NCKAP5: variants seen among roughly 807,000 people sequenced by gnomAD.
NCKAP5 encodes the protein NCK associated protein 5, also known as nck-associated protein 5.
In NCKAP5, 92 loss-of-function variants were observed where a neutral mutation model predicts 167.0. The observed-to-expected ratio is 0.55, with a 90% CI of 0.47 to 0.66. NCKAP5 has a LOEUF of 0.66. Among genes scored for constraint, NCKAP5 ranks in the 30% least tolerant of loss-of-function variants. The pLI, the probability that NCKAP5 is intolerant of heterozygous loss-of-function variation, is 0.00. For synonymous variants in NCKAP5, 891 were observed against 877.4 expected, an observed-to-expected ratio of 1.02 and a Z score of -0.27; for missense variants, 2,378 against 2,315.0, an observed-to-expected ratio of 1.03 and a Z score of -0.56.
At chr2:133,346,752 T>C (rs888729264) in intron 3 of NCKAP5, among the ~76,000 whole-genome samples, 2 of 152,208 alleles carry the variant, frequency 1.3e-5, no homozygotes, top group Admixed American at 6.5e-5. Context: ...GCTTCATCCA[T>C]GGATGGCGAT....
At chr2:132,822,504 A>G (rs1686823601) in intron 11 of NCKAP5, among the ~76,000 whole-genome samples, 1 of 152,218 alleles carries the variant, frequency 6.6e-6, no homozygotes, top group Admixed American at 6.5e-5. Context: ...CCCAGGGGTA[A>G]GGGGAGAGCA....
chr2:132,720,676 C>G (rs922540904), intron 19 of NCKAP5, among the ~76,000 whole-genome samples: 1 of 152,102 alleles, frequency 6.6e-6, no homozygotes, highest in Non-Finnish European at 1.5e-5. Flanking sequence ...TATGGAGGAC[C>G]GACTGCCACT....
chr2:133,085,962 C>G (rs1190165995), intron 6 of NCKAP5, among the ~76,000 whole-genome samples: 1 of 152,112 alleles, frequency 6.6e-6, no homozygotes, highest in Non-Finnish European at 1.5e-5. Context: ...AAGAACCAAC[C>G]AGGAAGTGCA....
At chr2:133,625,506 A>T in the NCKAP5 span, among the ~76,000 whole-genome samples, 1 of 152,188 alleles carries the variant, frequency 6.6e-6, no homozygotes, top group Admixed American at 6.5e-5. Context: ...TCATACAGAA[A>T]GCAAGGAAGC....
At chr2:132,791,517 T>C (rs978390471) in intron 12 of NCKAP5, among the ~76,000 whole-genome samples, 1 of 152,210 alleles carries the variant, frequency 6.6e-6, no homozygotes, top group African/African-American at 2.4e-5. Flanking sequence ...CAGGCTAAAT[T>C]AATTTACATC....
intron 16 of NCKAP5, among the ~76,000 whole-genome samples, chr2:132,737,070 T>C (rs1691595599): frequency 6.6e-6 from 1 of 152,304 alleles, no homozygotes; most frequent in East Asian, 1.9e-4. Flanking sequence ...AGGCACCTCA[T>C]GGGATGACTT....
chr2:133,601,768 T>A, the NCKAP5 span, among the ~76,000 whole-genome samples: 1 of 152,032 alleles, frequency 6.6e-6, no homozygotes, highest in African/African-American at 2.4e-5. Flanking sequence ...AACTCTACCT[T>A]GAAGAACTTT....
intron 8 of NCKAP5, among the ~76,000 whole-genome samples, chr2:132,885,270 C>T (rs1692126792): frequency 6.6e-6 from 1 of 151,634 alleles, no homozygotes; most frequent in Non-Finnish European, 1.5e-5. Context: ...ATTTATATAG[C>T]AGGAATGGGA....
chr2:132,966,319 C>T (rs930760407), intron 7 of NCKAP5, among the ~76,000 whole-genome samples: 8 of 152,236 alleles, frequency 5.3e-5, no homozygotes, highest in African/African-American at 1.7e-4. Context: ...AGGCTGGTCT[C>T]GAACTCCTGA....
chr2:133,206,612 G>C (rs1173700797), intron 5 of NCKAP5, among the ~76,000 whole-genome samples: 3 of 152,146 alleles, frequency 2.0e-5, no homozygotes, highest in Non-Finnish European at 4.4e-5. Context: ...AAATCTGATT[G>C]TAAAATATGT....
At chr2:133,604,691 C>CAGTTT in the NCKAP5 span, among the ~76,000 whole-genome samples, 1 of 152,068 alleles carries the variant, frequency 6.6e-6, no homozygotes, top group Non-Finnish European at 1.5e-5. Context: ...CTCTGTGCCT[C>CAGTTT]AGTTTTCTCT....
intron 3 of NCKAP5, among the ~76,000 whole-genome samples, chr2:133,376,473 C>T (rs546807835): frequency 2.0e-5 from 3 of 152,106 alleles, no homozygotes; most frequent in African/African-American, 7.2e-5. Flanking sequence ...TGAAATATTG[C>T]CCCTTGTTTC....
Position 132,929,322 on chromosome 2 carries a change from G to T in NCKAP5, c.579+34398C>A, listed in dbSNP as rs189430759. Among the ~76,000 whole-genome samples the T allele has an allele frequency of 5.3e-5, 8 of 151,986 alleles. No homozygotes were observed. The East Asian group carries it at 1.4e-3, about 26-fold the overall frequency. ...AAAAATCACACAAAACACTTTTCTT[G>T]CTCTAACACTATGACTGTTTGATGC... is the stretch of plus-strand genomic sequence containing the variant. On this transcript the variant is annotated intron_variant, in intron 8 of 19. Coordinates refer to ENST00000409261, the MANE Select transcript of NCKAP5 (RefSeq NM_207363.3).
At chr2:133,338,442 C>A (rs1476605763) in intron 3 of NCKAP5, among the ~76,000 whole-genome samples, 1 of 152,206 alleles carries the variant, frequency 6.6e-6, no homozygotes, top group African/African-American at 2.4e-5. Context: ...CATGCACCCC[C>A]ATCTTATAGT....
At chr2:133,326,147 A>T (rs1438665486) in intron 3 of NCKAP5, among the ~76,000 whole-genome samples, 1 of 152,134 alleles carries the variant, frequency 6.6e-6, no homozygotes, top group Non-Finnish European at 1.5e-5. Context: ...GCAACCCCTT[A>T]GGATATCCTT....
At chr2:133,097,554 G>A (rs768339174) in intron 6 of NCKAP5, among the ~76,000 whole-genome samples, 15 of 152,096 alleles carry the variant, frequency 9.9e-5, no homozygotes, top group Admixed American at 2.6e-4. Context: ...TTTCTTGATC[G>A]TCAGAACCTT....
At chr2:133,230,940 C>G (rs994155531) in intron 4 of NCKAP5, among the ~76,000 whole-genome samples, 22 of 152,146 alleles carry the variant, frequency 1.4e-4, no homozygotes, top group African/African-American at 5.3e-4. Context: ...AAGCATCTTA[C>G]CAATTAATGT....
At chr2:132,841,573 G>A (rs1688299706) in intron 11 of NCKAP5, among the ~76,000 whole-genome samples, 1 of 151,848 alleles carries the variant, frequency 6.6e-6, no homozygotes, top group Non-Finnish European at 1.5e-5. Context: ...TAATAATAGT[G>A]GCATTATTAT....
At position 132,892,301 on chromosome 2, in the gene NCKAP5, A is replaced by G. The variant is rs529511811; in HGVS notation, c.580-13385T>C. ...TTATCAACTCATTATTACATTTATC[A>G]ACTCAATATTACATATCTGAGCTCA... On this transcript the variant is annotated intron_variant, in intron 8 of 19. Coordinates refer to ENST00000409261, the MANE Select transcript of NCKAP5 (RefSeq NM_207363.3). Among the ~76,000 whole-genome samples the G allele has an allele frequency of 8.5e-5, 13 of 152,316 alleles. No homozygotes were observed. The South Asian group carries it at 2.7e-3, about 32-fold the overall frequency.
Sources: allele counts gnomAD v4.1 joint callset (sites outside exome capture counted in the v4.1 genomes callset), GRCh38; gene constraint gnomAD v4.1.1; transcripts MANE v1.5; gene names NCBI Gene and HGNC (gene_info 2026-07-23, HGNC 2026-07-21).